The following RBFOX1 variants were observed in gnomAD, a reference collection of about 807,000 sequenced individuals.
RBFOX1 encodes the protein RNA binding protein fox-1 homolog 1.
Under a neutral mutation model 57.7 loss-of-function variants are expected in RBFOX1, and 8 were observed. That is an observed-to-expected ratio of 0.14 (90% CI 0.08 to 0.25). RBFOX1 has a LOEUF of 0.25. Among genes scored for constraint, RBFOX1 ranks in the 10% least tolerant of loss-of-function variants. The pLI is 1.00. For synonymous variants in RBFOX1, 326 were observed against 222.4 expected, an observed-to-expected ratio of 1.47 and a Z score of -4.15; for missense variants, 611 against 548.5, an observed-to-expected ratio of 1.11 and a Z score of -1.14.
intron 4 of RBFOX1, among the ~76,000 whole-genome samples, chr16:7,375,923 A>T (rs922503502): frequency 3.9e-5 from 6 of 152,206 alleles, no homozygotes; most frequent in Non-Finnish European, 7.3e-5. Flanking sequence ...GTCCTGCCTT[A>T]AATGCGAAGT....
At chr16:6,885,213 A>G (rs1390011155) in intron 3 of RBFOX1, among the ~76,000 whole-genome samples, 2 of 152,168 alleles carry the variant, frequency 1.3e-5, no homozygotes, top group African/African-American at 4.8e-5. Flanking sequence ...TCAGAAAACT[A>G]GAACTGTGGT....
chr16:5,696,458 G>A (rs1419350858), intron 3 of RBFOX1, among the ~76,000 whole-genome samples: 4 of 152,160 alleles, frequency 2.6e-5, no homozygotes, highest in African/African-American at 7.2e-5. Flanking sequence ...ATTCAAGGCT[G>A]TAAGAAATAA....
chr16:6,159,338 A>G (rs1175438084), intron 1 of RBFOX1, among the ~76,000 whole-genome samples: 1 of 152,106 alleles, frequency 6.6e-6, no homozygotes, highest in Non-Finnish European at 1.5e-5. Flanking sequence ...CGGCCTCCCA[A>G]AGTGCTGGGA....
intron 1 of RBFOX1, among the ~76,000 whole-genome samples, chr16:6,027,790 T>A (rs1261237444): frequency 6.6e-6 from 1 of 152,186 alleles, no homozygotes; most frequent in Non-Finnish European, 1.5e-5. Context: ...TCGTATATTT[T>A]CCTCTTGACT....
chr16:7,199,400 C>T (rs571171716), intron 4 of RBFOX1, among the ~76,000 whole-genome samples: 5 of 152,180 alleles, frequency 3.3e-5, no homozygotes, highest in African/African-American at 1.2e-4. Flanking sequence ...AAATGTTTTC[C>T]AAATAGGCCC....
intron 3 of RBFOX1, among the ~76,000 whole-genome samples, chr16:5,637,300 C>G (rs2048712874): frequency 6.6e-6 from 1 of 152,148 alleles, no homozygotes; most frequent in Non-Finnish European, 1.5e-5. Context: ...CTAGAGCAAA[C>G]CCTGCCCCCT....
intron 1 of RBFOX1, among the ~76,000 whole-genome samples, chr16:5,429,399 G>A (rs907893676): frequency 2.6e-5 from 4 of 152,166 alleles, no homozygotes; most frequent in African/African-American, 9.7e-5. Context: ...GCGGGACTCG[G>A]GGGAGAGTGA....
At chr16:6,746,797 C>G (rs972678111) in intron 3 of RBFOX1, among the ~76,000 whole-genome samples, 3 of 151,928 alleles carry the variant, frequency 2.0e-5, no homozygotes, top group African/African-American at 7.3e-5. Flanking sequence ...TATTTATAAG[C>G]CAAAGTTTGC....
chr16:6,607,590 C>G (rs559107342), intron 2 of RBFOX1, among the ~76,000 whole-genome samples: 88 of 150,384 alleles, frequency 5.9e-4, no homozygotes, highest in African/African-American at 2.1e-3. Context: ...TGTCTCCCTC[C>G]TCTCTCTCTC....
rs903151800 is a variant in RBFOX1, at chr16:6,277,348, C to G, written c.-126-39647C>G. Among the ~76,000 whole-genome samples, 4 of 149,896 alleles carry G rather than the reference C, an allele frequency of 2.7e-5. 1 individual carries two copies. The highest frequency in any genetic ancestry group is 4.9e-5 in the African/African-American group (2 of 40,454). On this transcript the variant is annotated intron_variant, in intron 1 of 15. Coordinates refer to ENST00000550418, the MANE Select transcript of RBFOX1 (RefSeq NM_018723.4). Reference sequence around the variant, plus strand: ...TGATGGTGTGGTTCTGTAGTCCCACCTACTCAGGAGGCTAAGGTGGGAGGA... The same window carrying G: ...TGATGGTGTGGTTCTGTAGTCCCACGTACTCAGGAGGCTAAGGTGGGAGGA...
chr16:6,480,050 GAA>G lies in RBFOX1; in HGVS notation c.-64+163010_-64+163011del, dbSNP rs78928257. On this transcript the variant is annotated intron_variant, in intron 2 of 15. Coordinates refer to ENST00000550418, the MANE Select transcript of RBFOX1 (RefSeq NM_018723.4). Reference sequence around the variant, plus strand: ...GGGAGACAGAGCAAGACTCCACCTCGAAAAAAAAAAAAAAAAAATCACTGGTC... The same window carrying G: ...GGGAGACAGAGCAAGACTCCACCTCGAAAAAAAAAAAAAAAATCACTGGTC... Among the ~76,000 whole-genome samples, 64 of 119,710 alleles carry G rather than the reference GAA, an allele frequency of 5.3e-4. 1 individual carries two copies. Among genetic ancestry groups the G allele is most frequent in the Non-Finnish European group, 9.0e-4 (51 of 56,626 alleles). The allele number at this position is 119,710 out of a possible 152,430, so 78.5% of individuals were successfully genotyped here.
chr16:6,903,785 C>T (rs1323381200), intron 3 of RBFOX1, among the ~76,000 whole-genome samples: 2 of 152,134 alleles, frequency 1.3e-5, no homozygotes, highest in Non-Finnish European at 2.9e-5. Context: ...TTCGGAGCTG[C>T]CGCTGCTTAG....
intron 2 of RBFOX1, among the ~76,000 whole-genome samples, chr16:5,514,259 G>C (rs1451583932): frequency 6.6e-6 from 1 of 152,224 alleles, no homozygotes; most frequent in Non-Finnish European, 1.5e-5. Flanking sequence ...GGTTCAGCTA[G>C]AATGGCCAGG....
chr16:5,579,130 G>C (rs1000271862), intron 2 of RBFOX1, among the ~76,000 whole-genome samples: 3 of 152,108 alleles, frequency 2.0e-5, no homozygotes, highest in African/African-American at 7.2e-5. Flanking sequence ...TTAGAGGCAT[G>C]AGCCACCACG....
chr16:5,645,102 T>C (rs911274935), intron 3 of RBFOX1, among the ~76,000 whole-genome samples: 1 of 150,116 alleles, frequency 6.7e-6, no homozygotes, highest in African/African-American at 2.5e-5. Flanking sequence ...AAAATAAAAA[T>C]GTTGAGTGTG....
At chr16:7,565,712 TTC>T (rs1359252114) in intron 5 of RBFOX1, among the ~76,000 whole-genome samples, 1 of 152,220 alleles carries the variant, frequency 6.6e-6, no homozygotes, top group Admixed American at 6.5e-5. Flanking sequence ...TCAGAAGCTT[TTC>T]TCTCTGAGAA....
At chr16:7,506,550 TCATCAC>T (rs1216783540) in intron 4 of RBFOX1, among the ~76,000 whole-genome samples, 1 of 152,040 alleles carries the variant, frequency 6.6e-6, no homozygotes, top group South Asian at 2.1e-4. Context: ...CCAGACATCG[TCATCAC>T]CATCACCATT....
At chr16:5,471,658 G>T (rs143217315) in intron 2 of RBFOX1, among the ~76,000 whole-genome samples, 2 of 152,192 alleles carry the variant, frequency 1.3e-5, no homozygotes, top group Admixed American at 6.5e-5. Context: ...ACATCCCCCA[G>T]GTCCTCACTC....
At chr16:6,872,882 A>G (rs1012004855) in intron 3 of RBFOX1, among the ~76,000 whole-genome samples, 6 of 152,194 alleles carry the variant, frequency 3.9e-5, no homozygotes, top group Non-Finnish European at 7.3e-5. Flanking sequence ...TGTTCCATAA[A>G]AATTGTGCTA....
Sources: allele counts gnomAD v4.1 joint callset (sites outside exome capture counted in the v4.1 genomes callset), GRCh38; gene constraint gnomAD v4.1.1; transcripts MANE v1.5; gene names NCBI Gene and HGNC (gene_info 2026-07-23, HGNC 2026-07-21).